The following YY1 variants were observed in gnomAD, a reference collection of about 807,000 sequenced individuals.
The protein encoded by YY1 is transcriptional repressor protein YY1.
Under a neutral mutation model 35.6 loss-of-function variants are expected in YY1, and 2 were observed. The ratio of observed to expected loss-of-function variants is 0.06; its 90% CI spans 0.02 to 0.18. YY1 has a LOEUF of 0.18. Ranked by LOEUF, YY1 falls within the 10% of genes least tolerant of loss-of-function variation. YY1 has a pLI of 1.00. For missense variants in YY1, 322 were observed against 573.4 expected, an observed-to-expected ratio of 0.56 and a Z score of 4.48; for synonymous variants, 268 against 238.9, an observed-to-expected ratio of 1.12 and a Z score of -1.12.
At chr14:100,240,669 G>T (rs953686402) in intron 1 of YY1, among the ~76,000 whole-genome samples, 1 of 152,240 alleles carries the variant, frequency 6.6e-6, no homozygotes, top group African/African-American at 2.4e-5. Context: ...CGGGCTCCGA[G>T]CGTCAGTCGG....
intron 1 of YY1, among the ~76,000 whole-genome samples, chr14:100,245,044 C>T (rs899840348): frequency 5.9e-5 from 9 of 152,128 alleles, no homozygotes; most frequent in Admixed American, 5.9e-4. Context: ...TCACACCATT[C>T]TCCTGCCTCA....
Position 100,239,293 on chromosome 14 carries a change from C to G in YY1, c.49C>G (p.Pro17Ala). 6.3e-7 allele frequency: 1 copy of G among 1,597,320 alleles called. No individual in the cohort carries two copies. The highest frequency in any genetic ancestry group is 8.5e-7 in the Non-Finnish European group (1 of 1,173,438). Residue 17 changes from proline (P) to alanine (A), a missense_variant, in exon 1 of 5, where the codon CCG becomes GCG. Around this residue, in one of 4 missense-constraint regions of YY1, gnomAD observed 137 missense variants for 167.0 expected, o/e 0.82. Transcript: ENST00000262238. ...LYIATDGSEM[P>A]AEIVELHEIE... ...CATCGCCACGGACGGCTCGGAGATGCCGGCCGAGATCGTGGAGCTGCACGA... is the reference window on the plus strand; with the variant it reads ...CATCGCCACGGACGGCTCGGAGATGGCGGCCGAGATCGTGGAGCTGCACGA...
chr14:100,275,491 C>T (rs3825554), intron 3 of YY1, among the ~76,000 whole-genome samples: 2 of 152,074 alleles, frequency 1.3e-5, no homozygotes, highest in African/African-American at 2.4e-5. Context: ...CCATTAGGGC[C>T]GAAATAACAA....
At position 100,277,319 on chromosome 14, in the gene YY1, A is replaced by T. The variant is rs779659500; in HGVS notation, c.1063-99A>T. The T allele has an allele frequency of 1.5e-5, 22 of 1,424,020 alleles. No homozygotes were observed. Among genetic ancestry groups the T allele is most frequent in the Non-Finnish European group, 2.2e-5 (22 of 1,012,898 alleles). 88.2% of individuals were successfully genotyped at this position (1,424,020 alleles called of 1,614,324 possible). On this transcript the variant is annotated intron_variant, in intron 4 of 4. Transcript: ENST00000262238. This position sits in a 1 kb window ranked among gnomAD's most constrained non-coding sequence, Gnocchi z 5.6. Reference sequence around the variant, plus strand: ...AGGGCAGGAATGAAAAGTGTTTGGTAAAATAAATAGGCTGTTCTCTAGCAA... The same window carrying T: ...AGGGCAGGAATGAAAAGTGTTTGGTTAAATAAATAGGCTGTTCTCTAGCAA...
chr14:100,245,768 G>A (rs745790995), intron 1 of YY1, among the ~76,000 whole-genome samples: 31 of 151,890 alleles, frequency 2.0e-4, no homozygotes, highest in South Asian at 6.2e-4. Flanking sequence ...CACCATGCCC[G>A]GCTAATTTTT....
In YY1 at chr14:100,239,310, G is replaced by A; in HGVS notation, c.66G>A (p.Glu22=). 6.2e-7 allele frequency: 1 copy of A among 1,603,562 alleles called. No individual in the cohort carries two copies. Among genetic ancestry groups the A allele is most frequent in the South Asian group, 1.1e-5 (1 of 89,644 alleles). ...DGSEMPAEIV[E]LHEIEVETIP... ...CGGAGATGCCGGCCGAGATCGTGGAGCTGCACGAGATCGAGGTGGAGACCA... is the reference window on the plus strand; with the variant it reads ...CGGAGATGCCGGCCGAGATCGTGGAACTGCACGAGATCGAGGTGGAGACCA... The change falls in exon 1 of 5, where the codon GAG becomes GAA. Residue 22 remains glutamate (E), a synonymous_variant. Transcript: ENST00000262238.
chr14:100,273,731 AAG>A (rs1181490179), intron 2 of YY1, among the ~76,000 whole-genome samples: 2 of 152,144 alleles, frequency 1.3e-5, no homozygotes, highest in Non-Finnish European at 2.9e-5. Context: ...TAGGGACAAA[AAG>A]AAAATCTGTT....
Position 100,239,385 on chromosome 14 carries a change from G to GGACGAC in YY1, c.150_155dup (p.Asp50_Asp51dup). On this transcript the variant is annotated inframe_insertion, in exon 1 of 5. Coordinates refer to ENST00000262238, the MANE Select transcript of YY1 (RefSeq NM_003403.5). ...CAGTGGTGGGCGAGGAGGAGGAGGA[G>GGACGAC]GACGACGACGACGAGGACGGCGGCG... 3 of 1,595,082 alleles carry GGACGAC rather than the reference G, an allele frequency of 1.9e-6. No individual in the cohort carries two copies. Among genetic ancestry groups the GGACGAC allele is most frequent in the Non-Finnish European group, 2.6e-6 (3 of 1,171,864 alleles).
intron 1 of YY1, among the ~76,000 whole-genome samples, chr14:100,254,796 G>A (rs1279339783): frequency 6.9e-6 from 1 of 144,530 alleles, no homozygotes; most frequent in Non-Finnish European, 1.5e-5. Context: ...TTTTTGAGTC[G>A]AAGTCTCACA....
Position 100,262,307 on chromosome 14 carries a change from A to G in YY1, c.683A>G (p.Glu228Gly), listed in dbSNP as rs1346857457. ...EFSVTMWSSD[E>G]KKDIDHETVV... ...ATAATCTCATGATGTGTTTCAGATG[A>G]AAAAAAAGATATTGACCATGAGACA... is the stretch of plus-strand genomic sequence containing the variant. Residue 228 changes from glutamate to glycine, a missense_variant, in exon 2 of 5, where the codon GAA becomes GGA. This residue lies in a region of YY1 where 152 missense variants were observed against 167.1 expected (regional missense o/e 0.91). Transcript: ENST00000262238. The G allele has an allele frequency of 1.6e-5, 26 of 1,611,678 alleles. No individual in the cohort carries two copies. Among genetic ancestry groups the G allele is most frequent in the Non-Finnish European group, 2.0e-5 (24 of 1,178,586 alleles).
chr14:100,255,707 A>G (rs1890995749), intron 1 of YY1, among the ~76,000 whole-genome samples: 1 of 152,204 alleles, frequency 6.6e-6, no homozygotes, highest in Middle Eastern at 3.2e-3. Context: ...TGGTTTTAAA[A>G]TTATGTACAG....
chr14:100,243,712 G>A (rs1038977774), intron 1 of YY1, among the ~76,000 whole-genome samples: 4 of 151,872 alleles, frequency 2.6e-5, no homozygotes, highest in Non-Finnish European at 1.5e-5. Flanking sequence ...GTAGATTGAG[G>A]TGGGAGGATC....
At position 100,239,385 on chromosome 14, in the gene YY1, G is replaced by A. The variant is rs142619613; in HGVS notation, c.141G>A (p.Glu47=). 7 of 1,595,082 alleles carry A rather than the reference G, an allele frequency of 4.4e-6. No homozygotes were observed. The highest frequency in any genetic ancestry group is 1.3e-5 in the African/African-American group (1 of 74,196). Residue 47 remains glutamate (E), a synonymous_variant, in exon 1 of 5, where the codon GAG becomes GAA. Transcript: ENST00000262238. The part of the protein sequence containing the change: ...ETTVVGEEEE[E]DDDDEDGGGG... ...CAGTGGTGGGCGAGGAGGAGGAGGA[G>A]GACGACGACGACGAGGACGGCGGCG...
chr14:100,263,024 C>T (rs1271706878), intron 2 of YY1, among the ~76,000 whole-genome samples: 3 of 152,232 alleles, frequency 2.0e-5, no homozygotes, highest in Non-Finnish European at 4.4e-5. Context: ...TCTCCTGCCT[C>T]AGCCTCCCAA....
Position 100,243,340 on chromosome 14 carries a change from T to C in YY1, c.679+3417T>C, listed in dbSNP as rs1393445701. 2.6e-5 allele frequency among the ~76,000 whole-genome samples: 4 copies of C among 152,350 alleles called. No homozygotes were observed. In the East Asian group the frequency reaches 7.7e-4, roughly 29 times the overall value. On this transcript the variant is annotated intron_variant, in intron 1 of 4. Coordinates refer to ENST00000262238, the MANE Select transcript of YY1 (RefSeq NM_003403.5). Reference sequence around the variant, plus strand: ...AGGCATGAAGGTTTTAACTACACTTTAGTTTCACTAAAATAGCCCCTTAGT... The same window carrying C: ...AGGCATGAAGGTTTTAACTACACTTCAGTTTCACTAAAATAGCCCCTTAGT...
At chr14:100,249,769 TGTTTTTG>T (rs1890897056) in intron 1 of YY1, among the ~76,000 whole-genome samples, 1 of 147,620 alleles carries the variant, frequency 6.8e-6, no homozygotes, top group African/African-American at 2.6e-5. Flanking sequence ...TGTTTGTTTT[TGTTTTTG>T]TTTTTGTTTT....
Position 100,277,666 on chromosome 14 carries a change from A to G in YY1, c.*66A>G, listed in dbSNP as rs1271506138. ...TCCAGAAGTGTGATTGGGAATAAAT[A>G]TGCCTCTCCTTTGTATATTATTTCT... On this transcript the variant is annotated 3_prime_UTR_variant, in exon 5 of 5. Coordinates refer to ENST00000262238, the MANE Select transcript of YY1 (RefSeq NM_003403.5). The surrounding 1 kb of genome is among the most constrained non-coding windows in gnomAD (Gnocchi z 5.6). The G allele has an allele frequency of 1.3e-6, 2 of 1,500,820 alleles. No individual in the cohort carries two copies. Among genetic ancestry groups the G allele is most frequent in the Non-Finnish European group, 9.2e-7 (1 of 1,085,956 alleles). The allele number at this position is 1,500,820 out of a possible 1,614,324, so 93.0% of individuals were successfully genotyped here.
chr14:100,248,056 T>A (rs1890859174), intron 1 of YY1, among the ~76,000 whole-genome samples: 1 of 151,560 alleles, frequency 6.6e-6, no homozygotes, highest in Non-Finnish European at 1.5e-5. Context: ...ACAATTTTCC[T>A]GCCTCAGCCT....
At chr14:100,258,363 C>T (rs1891032893) in intron 1 of YY1, among the ~76,000 whole-genome samples, 1 of 152,086 alleles carries the variant, frequency 6.6e-6, no homozygotes, top group South Asian at 2.1e-4. Context: ...TTTCCTGTCT[C>T]TTTTTCGGAA....
Sources: allele counts gnomAD v4.1 joint callset (sites outside exome capture counted in the v4.1 genomes callset), GRCh38; gene constraint gnomAD v4.1.1; regional missense constraint gnomAD v4.1.1; non-coding constraint Gnocchi (gnomAD v3.1); transcripts MANE v1.5; gene names NCBI Gene and HGNC (gene_info 2026-07-23, HGNC 2026-07-21).